Variants in SLC14A2 observed in about 807,000 individuals in gnomAD.
SLC14A2 encodes solute carrier family 14 member 2, also known as urea transporter 2.
In SLC14A2, 91 loss-of-function variants were observed where a neutral mutation model predicts 104.6. The ratio of observed to expected loss-of-function variants is 0.87; its 90% CI spans 0.73 to 1.04. SLC14A2 has a LOEUF of 1.04. Ranked by LOEUF, SLC14A2 falls within the 50% of genes least tolerant of loss-of-function variation. The pLI, the probability that SLC14A2 is intolerant of heterozygous loss-of-function variation, is 0.00. For missense variants in SLC14A2, 1,189 were observed against 1,156.0 expected (o/e 1.03, Z -0.41); for synonymous variants, 476 against 466.4 (o/e 1.02, Z -0.27).
intron 2 of SLC14A2, among the ~76,000 whole-genome samples, chr18:45,536,260 T>C (rs555752467): frequency 1.4e-4 from 21 of 152,306 alleles, no homozygotes; most frequent in Non-Finnish European, 2.6e-4. Context: ...AAGCATAAAA[T>C]GTGTATTAAT....
At chr18:45,299,960 T>TTTTAGTTA (rs2084952431) in intron 1 of SLC14A2, among the ~76,000 whole-genome samples, 1 of 152,076 alleles carries the variant, frequency 6.6e-6, no homozygotes, top group Admixed American at 6.6e-5. Context: ...GGGGGTGATA[T>TTTTAGTTA]TTTAGTTATT....
intron 1 of SLC14A2, among the ~76,000 whole-genome samples, chr18:45,323,830 A>T (rs916219547): frequency 3.3e-5 from 5 of 152,254 alleles, no homozygotes; most frequent in African/African-American, 1.2e-4. Context: ...AAGACCAAAA[A>T]TGCATCCTGT....
At chr18:45,183,056 G>A in the SLC14A2 span, among the ~76,000 whole-genome samples, 1 of 152,184 alleles carries the variant, frequency 6.6e-6, no homozygotes, top group East Asian at 1.9e-4. Flanking sequence ...TTAGAATTAT[G>A]AACAGTTAGA....
rs757850920 is a variant in SLC14A2 at position 45,669,431 on chromosome 18, C to G, written c.2162C>G (p.Pro721Arg). 3 of 1,614,046 alleles carry G rather than the reference C, an allele frequency of 1.9e-6. No homozygotes were observed. Among genetic ancestry groups the G allele is most frequent in the Non-Finnish European group, 2.5e-6 (3 of 1,180,024 alleles). ...AATGHYNLFFPTTLLQPASAM... is the reference protein window; with the variant it reads ...AATGHYNLFFRTTLLQPASAM... The stretch of plus-strand genomic sequence containing the variant: ...ACGGGCCACTACAACCTTTTCTTCC[C>G]CACAACGCTGCTGCAGCCTGCATCC... Residue 721 changes from proline to arginine, a missense_variant, in exon 16 of 20, where the codon CCC becomes CGC. Transcript: ENST00000255226.
At chr18:45,397,745 T>G (rs1423070746) in intron 1 of SLC14A2, among the ~76,000 whole-genome samples, 9 of 152,138 alleles carry the variant, frequency 5.9e-5, no homozygotes, top group Admixed American at 5.9e-4. Context: ...ATCCTGACTC[T>G]GCCACTTACT....
chr18:45,458,265 C>T (rs2086980654), intron 1 of SLC14A2, among the ~76,000 whole-genome samples: 1 of 152,190 alleles, frequency 6.6e-6, no homozygotes, highest in Admixed American at 6.5e-5. Context: ...AATATAAAAG[C>T]ATCTCGTAAG....
At chr18:45,197,672 A>C in the SLC14A2 span, among the ~76,000 whole-genome samples, 1 of 152,210 alleles carries the variant, frequency 6.6e-6, no homozygotes, top group Non-Finnish European at 1.5e-5. Context: ...TCCTAAGTCA[A>C]ACCAGGACTC....
chr18:45,549,068 G>A (rs2044016040), intron 2 of SLC14A2, among the ~76,000 whole-genome samples: 1 of 152,228 alleles, frequency 6.6e-6, no homozygotes, highest in Non-Finnish European at 1.5e-5. Flanking sequence ...TCCTTCCTAT[G>A]CTGCCAGTTC....
At chr18:45,643,245 G>A in intron 9 of SLC14A2, 64 bp downstream of exon 9, 1 of 1,426,264 alleles carries the variant, frequency 7.0e-7, no homozygotes, top group South Asian at 1.1e-5. Context: ...GGACATATGG[G>A]GTTGTGGGGT....
chr18:45,468,367 T>C lies in SLC14A2; in HGVS notation c.-124-14866T>C, dbSNP rs138507301. On this transcript the variant is annotated intron_variant, in intron 1 of 20. Coordinates refer to the SLC14A2 transcript ENST00000586448. ...AAATAAGGAAACATTTTAGCAAAAATCAATGCTTTCAAAATGCATTTAATC... is the reference window on the plus strand; with the variant it reads ...AAATAAGGAAACATTTTAGCAAAAACCAATGCTTTCAAAATGCATTTAATC... Among the ~76,000 whole-genome samples, 147 of 152,008 alleles carry C rather than the reference T, an allele frequency of 9.7e-4. No homozygotes were observed. The Middle Eastern group carries it at 0.014, about 14-fold the overall frequency.
At chr18:45,417,825 AT>A (rs890377651) in intron 1 of SLC14A2, among the ~76,000 whole-genome samples, 1 of 152,204 alleles carries the variant, frequency 6.6e-6, no homozygotes, top group South Asian at 2.1e-4. Context: ...AGTAAATAAT[AT>A]TTTTTAAAGA....
chr18:45,424,247 G>A (rs1231180894), intron 1 of SLC14A2: 1 of 152,274 alleles, frequency 6.6e-6, no homozygotes, highest in Non-Finnish European at 1.5e-5. Flanking sequence ...CTGGGATCCA[G>A]TTCTAACTTT....
chr18:45,519,619 G>T (rs533576303), intron 2 of SLC14A2, among the ~76,000 whole-genome samples: 2 of 152,330 alleles, frequency 1.3e-5, no homozygotes, highest in East Asian at 1.9e-4. Context: ...ATTGGAAAAA[G>T]GGGGCAGAGT....
intron 1 of SLC14A2, among the ~76,000 whole-genome samples, chr18:45,462,620 A>C (rs972667618): frequency 2.6e-5 from 4 of 152,272 alleles, no homozygotes; most frequent in African/African-American, 9.6e-5. Context: ...CTGAAATTTT[A>C]ATTATTTAGT....
Position 45,642,996 on chromosome 18 carries a change from G to A in SLC14A2, c.1127-136G>A, listed in dbSNP as rs556873154. ...CCAGGCAAGCATGCCAGCTGTCAGGGCATGGTGCAGAATCTGAGGCTGCAG... is the reference window on the plus strand; with the variant it reads ...CCAGGCAAGCATGCCAGCTGTCAGGACATGGTGCAGAATCTGAGGCTGCAG... On this transcript the variant is annotated intron_variant, in intron 8 of 19. Transcript: ENST00000255226. 9 of 721,028 alleles carry A rather than the reference G, an allele frequency of 1.2e-5. No homozygotes were observed. In the Admixed American group the frequency reaches 1.8e-4, roughly 14 times the overall value. The allele number at this position is 721,028 out of a possible 1,614,324, so 44.7% of individuals were successfully genotyped here. A position where few individuals can be genotyped will look rare whatever the true frequency, so the allele number is the denominator to read the frequency against.
chr18:45,219,760 A>G (rs1034061510), intron 1 of SLC14A2, among the ~76,000 whole-genome samples: 6 of 152,194 alleles, frequency 3.9e-5, no homozygotes, highest in African/African-American at 1.4e-4. Context: ...TTAAACAAGC[A>G]CCAGTGTTAT....
the SLC14A2 span, among the ~76,000 whole-genome samples, chr18:45,192,692 T>C: frequency 1.3e-5 from 2 of 148,860 alleles, no homozygotes; most frequent in African/African-American, 4.9e-5. Context: ...AGTCTCACTC[T>C]GTTGCCCAGG....
intron 2 of SLC14A2, among the ~76,000 whole-genome samples, chr18:45,505,656 C>A (rs1300945410): frequency 6.6e-6 from 1 of 152,098 alleles, no homozygotes; most frequent in African/African-American, 2.4e-5. Context: ...ATATGTGGTC[C>A]CTTCCAGTAG....
chr18:45,367,472 C>T (rs1250220458), intron 1 of SLC14A2, among the ~76,000 whole-genome samples: 3 of 152,182 alleles, frequency 2.0e-5, no homozygotes, highest in Non-Finnish European at 2.9e-5. Flanking sequence ...AGAATCTCAT[C>T]TTCCCATTTT....
Sources: allele counts gnomAD v4.1 joint callset (sites outside exome capture counted in the v4.1 genomes callset), GRCh38; gene constraint gnomAD v4.1.1; transcripts MANE v1.5; gene names NCBI Gene and HGNC (gene_info 2026-07-23, HGNC 2026-07-21).